Variants in IL17REL observed in about 807,000 individuals in gnomAD.
IL17REL encodes interleukin 17 receptor E like.
In IL17REL, 36 loss-of-function variants were observed where a neutral mutation model predicts 49.0. That is an observed-to-expected ratio of 0.73 (90% CI 0.56 to 0.97). The LOEUF (loss-of-function observed/expected upper bound fraction) is 0.97, where lower values mean the gene tolerates loss of function less well. Among genes scored for constraint, IL17REL ranks in the 50% least tolerant of loss-of-function variants. IL17REL has a pLI of 0.00. For synonymous variants in IL17REL, 206 were observed against 192.4 expected (o/e 1.07, Z -0.58); for missense variants, 470 against 453.9 (o/e 1.04, Z -0.32).
intron 1 of IL17REL, among the ~76,000 whole-genome samples, chr22:50,003,898 G>A (rs1436823030): frequency 6.6e-6 from 1 of 152,124 alleles, no homozygotes; most frequent in East Asian, 1.9e-4. Flanking sequence ...AAAGAAATAG[G>A]CTTCTCGCTT....
Position 49,999,811 on chromosome 22 carries a change from G to C in IL17REL, c.474+17C>G. On this transcript the variant is annotated intron_variant, in intron 5 of 12. Coordinates refer to ENST00000341280, the Ensembl canonical transcript of IL17REL. ...CGGGGCCTAAGGCTGACCGGGGCCC[G>C]GGGCGCGGGCGCTCACTCGCACAGG... 26 of 1,487,690 alleles carry C rather than the reference G, an allele frequency of 1.7e-5. No homozygotes were observed. Among genetic ancestry groups the C allele is most frequent in the East Asian group, 2.9e-5 (1 of 35,070 alleles). The allele number at this position is 1,487,690 out of a possible 1,614,324, so 92.2% of individuals were successfully genotyped here.
exon 3 of IL17REL, chr22:50,000,820 G>T (rs977803446): frequency 6.2e-7 from 1 of 1,601,738 alleles, no homozygotes; most frequent in African/African-American, 1.3e-5. Context: ...GCGTCTCCTG[G>T]GTGTCCAGGC....
intron 7 of IL17REL, 77 bp downstream of exon 9, chr22:49,999,214 C>T (rs898211911): frequency 1.3e-6 from 2 of 1,535,050 alleles, no homozygotes; most frequent in Non-Finnish European, 1.8e-6. Context: ...CATCCCCCCA[C>T]GTCAGTCCTC....
exon 8 of IL17REL, chr22:49,998,237 G>A (rs750529097): frequency 1.2e-6 from 2 of 1,612,562 alleles, no homozygotes; most frequent in Admixed American, 3.3e-5. Context: ...AGGGCAGGCG[G>A]GCTCCCAGCT....
intron 2 of IL17REL, 75 bp from the exon 4 acceptor site, chr22:50,000,938 TG>T (rs2146748412): frequency 7.6e-7 from 1 of 1,312,826 alleles, no homozygotes; most frequent in East Asian, 2.5e-5. Context: ...CGTGGGACCC[TG>T]TTCCTCTGCC....
chr22:49,997,828 T>G (rs886818228), intron 9 of IL17REL, 86 bp from the exon 12 acceptor site: 2 of 1,472,736 alleles, frequency 1.4e-6, no homozygotes, highest in Non-Finnish European at 1.9e-6. Flanking sequence ...ACAGGCTGGG[T>G]CAGCTTCAGG....
chr22:49,998,885 ATG>A (rs553186989), intron 7 of IL17REL, among the ~76,000 whole-genome samples: 4 of 144,840 alleles, frequency 2.8e-5, no homozygotes, highest in East Asian at 2.1e-4. Flanking sequence ...GTGTCTGTGC[ATG>A]TGTGTGTGCA....
upstream of IL17REL, among the ~76,000 whole-genome samples, chr22:50,011,286 A>AGCCCCTGCCCTT (rs1318856544): frequency 2.4e-5 from 3 of 125,474 alleles, no homozygotes; most frequent in African/African-American, 6.2e-5. Flanking sequence ...CACCCGCCTC[A>AGCCCCTGCCCTT]GCCCCTGCCC....
At chr22:49,992,594 C>T (rs191656122), downstream of IL17REL, among the ~76,000 whole-genome samples, 43 of 152,188 alleles carry the variant, frequency 2.8e-4, no homozygotes, top group African/African-American at 8.9e-4. Flanking sequence ...TGCCTGGCCC[C>T]ACCCTATTTT....
Sources: gnomAD v4.1 joint callset for allele counts (sites outside exome capture counted in the v4.1 genomes callset) on GRCh38, gnomAD v4.1.1 for gene constraint, MANE v1.5 for transcripts, NCBI Gene and HGNC (gene_info 2026-07-23, HGNC 2026-07-21) for gene names.